Variants in FHIT observed in about 807,000 individuals in gnomAD.
FHIT encodes the protein bis(5'-adenosyl)-triphosphatase.
FHIT carries 19 observed loss-of-function variants against 17.9 expected under a neutral mutation model. The observed-to-expected ratio is 1.06, with a 90% CI of 0.74 to 1.56. The LOEUF is 1.56. Ranked by LOEUF, FHIT falls within the 40% of genes most tolerant of loss-of-function variation. The pLI is 0.00. For missense variants in FHIT, 248 were observed against 189.2 expected (o/e 1.31, Z -1.82); for synonymous variants, 81 against 69.7 (o/e 1.16, Z -0.81).
chr3:60,797,138 T>A (rs1701010529), intron 4 of FHIT, among the ~76,000 whole-genome samples: 1 of 152,200 alleles, frequency 6.6e-6, no homozygotes, highest in African/African-American at 2.4e-5. Flanking sequence ...AGAAAACACA[T>A]CAGGGCTTCT....
At chr3:60,003,029 G>A (rs553759976) in intron 7 of FHIT, among the ~76,000 whole-genome samples, 3 of 152,288 alleles carry the variant, frequency 2.0e-5, no homozygotes, top group Admixed American at 6.5e-5. Context: ...ATAAAGCAAA[G>A]AGAATGAATT....
At chr3:60,695,835 T>C (rs2041102217) in intron 4 of FHIT, among the ~76,000 whole-genome samples, 2 of 152,224 alleles carry the variant, frequency 1.3e-5, no homozygotes, top group Non-Finnish European at 2.9e-5. Context: ...GAAGTAATAA[T>C]AACCATTATG....
chr3:60,235,436 T>C (rs1273737146), intron 5 of FHIT, among the ~76,000 whole-genome samples: 1 of 152,142 alleles, frequency 6.6e-6, no homozygotes, highest in Non-Finnish European at 1.5e-5. Flanking sequence ...TTCACCGTGA[T>C]GGCCAGGCTG....
intron 7 of FHIT, among the ~76,000 whole-genome samples, chr3:59,986,681 CATATTTAGTTTTATATAT>C (rs1708945722): frequency 5.5e-5 from 1 of 18,298 alleles, no homozygotes; most frequent in African/African-American, 3.6e-4. Flanking sequence ...AATATATTTA[CATATTTAGTTTTATATAT>C]ATTTATATAA....
At chr3:61,153,325 T>C (rs1212761993) in intron 2 of FHIT, among the ~76,000 whole-genome samples, 1 of 152,186 alleles carries the variant, frequency 6.6e-6, no homozygotes, top group Non-Finnish European at 1.5e-5. Context: ...AGTGAGCATA[T>C]CAATTGTAAG....
intron 4 of FHIT, among the ~76,000 whole-genome samples, chr3:60,622,005 G>A (rs1018717894): frequency 1.3e-5 from 2 of 152,022 alleles, no homozygotes; most frequent in Non-Finnish European, 2.9e-5. Context: ...TTTTTCTTAA[G>A]GATTTGAGCT....
intron 5 of FHIT, among the ~76,000 whole-genome samples, chr3:60,314,201 C>G (rs1184291434): frequency 6.6e-6 from 1 of 152,092 alleles, no homozygotes; most frequent in Non-Finnish European, 1.5e-5. Context: ...TACAAAGAGG[C>G]CTGTTGGGCA....
At chr3:60,562,996 G>T (rs1036966506) in intron 4 of FHIT, among the ~76,000 whole-genome samples, 1 of 152,236 alleles carries the variant, frequency 6.6e-6, no homozygotes, top group Non-Finnish European at 1.5e-5. Flanking sequence ...AGAAATAAAC[G>T]CAAGCCATTT....
chr3:60,793,097 T>C (rs1700843922), intron 4 of FHIT, among the ~76,000 whole-genome samples: 1 of 152,188 alleles, frequency 6.6e-6, no homozygotes, highest in Non-Finnish European at 1.5e-5. Flanking sequence ...AAGCCAGTTC[T>C]AGCTTGGAGT....
At chr3:61,078,297 C>A (rs1317174360) in intron 2 of FHIT, among the ~76,000 whole-genome samples, 1 of 152,132 alleles carries the variant, frequency 6.6e-6, no homozygotes, top group Non-Finnish European at 1.5e-5. Flanking sequence ...TTTTTATTCA[C>A]CCATCGCTCT....
intron 4 of FHIT, among the ~76,000 whole-genome samples, chr3:60,788,840 CAAATAT>C (rs1290796187): frequency 6.6e-6 from 1 of 151,958 alleles, no homozygotes; most frequent in Non-Finnish European, 1.5e-5. Flanking sequence ...AATAGATACA[CAAATAT>C]AAATATATAT....
intron 8 of FHIT, among the ~76,000 whole-genome samples, chr3:59,891,973 T>C (rs1373840181): frequency 6.6e-6 from 1 of 152,024 alleles, no homozygotes; most frequent in Non-Finnish European, 1.5e-5. Flanking sequence ...GTCTCCAAAC[T>C]AAAAACAAAA....
At chr3:60,479,297 C>A (rs1342153538) in intron 5 of FHIT, among the ~76,000 whole-genome samples, 1 of 152,028 alleles carries the variant, frequency 6.6e-6, no homozygotes, top group Non-Finnish European at 1.5e-5. Flanking sequence ...GACTATCATA[C>A]CAATTGATCC....
intron 3 of FHIT, among the ~76,000 whole-genome samples, chr3:60,981,295 CTTTTTT>C (rs71100934): frequency 8.0e-6 from 1 of 124,500 alleles, no homozygotes; most frequent in Non-Finnish European, 1.6e-5. Flanking sequence ...TTCTTCCTTC[CTTTTTT>C]TTTTTTTTTT....
In FHIT at chr3:60,435,007, T is replaced by A. The variant is rs2030082651; in HGVS notation, c.103+101853A>T. Reference sequence around the variant, plus strand: ...TTCTTTTTTGGTTTATTTTACATTGTCTCCAAACAAATAAATCTAAAGTTA... The same window carrying A: ...TTCTTTTTTGGTTTATTTTACATTGACTCCAAACAAATAAATCTAAAGTTA... On this transcript the variant is annotated intron_variant, in intron 5 of 9. Transcript: ENST00000492590. Among the ~76,000 whole-genome samples the A allele has an allele frequency of 3.3e-5, 5 of 152,274 alleles. 1 individual carries two copies. Among genetic ancestry groups the A allele is most frequent in the Middle Eastern group, 3.4e-3 (1 of 294 alleles).
intron 4 of FHIT, among the ~76,000 whole-genome samples, chr3:60,705,278 G>T (rs1247125840): frequency 6.6e-6 from 1 of 152,140 alleles, no homozygotes; most frequent in Admixed American, 6.5e-5. Context: ...TAGAACTTCA[G>T]AGATGAAAGC....
chr3:60,801,404 T>C (rs1166314271), intron 4 of FHIT, among the ~76,000 whole-genome samples: 1 of 152,178 alleles, frequency 6.6e-6, no homozygotes, highest in East Asian at 1.9e-4. Flanking sequence ...CAAGAGGATG[T>C]GAGATGTGTC....
rs1440966254 is a variant in FHIT, at chr3:60,014,056, G to C, written c.200C>G (p.Thr67Arg). 2 of 1,613,892 alleles carry C rather than the reference G, an allele frequency of 1.2e-6. No individual in the cohort carries two copies. The highest frequency in any genetic ancestry group is 1.7e-6 in the Non-Finnish European group (2 of 1,179,958). ...DLFQTTQRVG[T>R]VVEKHFHGTS... ...CCCATGGAAATGTTTTTCCACCACTGTCCCGACTCTCTGGGTCGTCTGAAA... is the reference window on the plus strand; with the variant it reads ...CCCATGGAAATGTTTTTCCACCACTCTCCCGACTCTCTGGGTCGTCTGAAA... The change falls in exon 6 of 10, where the codon ACA becomes AGA. Residue 67 changes from threonine (T) to arginine (R), a missense_variant. Coordinates refer to ENST00000492590, the MANE Select transcript of FHIT (RefSeq NM_002012.4).
chr3:61,145,091 G>A (rs566284808), intron 2 of FHIT, among the ~76,000 whole-genome samples: 1 of 152,052 alleles, frequency 6.6e-6, no homozygotes, highest in African/African-American at 2.4e-5. Flanking sequence ...TGTGCTTTTG[G>A]TATTGTATCT....
Sources: gnomAD v4.1 joint callset for allele counts (sites outside exome capture counted in the v4.1 genomes callset) on GRCh38, gnomAD v4.1.1 for gene constraint, MANE v1.5 for transcripts, NCBI Gene and HGNC (gene_info 2026-07-23, HGNC 2026-07-21) for gene names.